Variants in STX11 observed in about 807,000 individuals in gnomAD.
The protein encoded by STX11 is syntaxin-11.
Under a neutral mutation model 19.9 loss-of-function variants are expected in STX11, and 21 were observed. That is an observed-to-expected ratio of 1.06 (90% confidence interval 0.75 to 1.52). STX11 has a LOEUF of 1.52. STX11 is among the 40% of genes most tolerant of loss of function. STX11 has a pLI of 0.00. For synonymous variants in STX11, 193 were observed against 174.4 expected, an observed-to-expected ratio of 1.11 and a Z score of -0.84; for missense variants, 438 against 405.9, an observed-to-expected ratio of 1.08 and a Z score of -0.68.
rs140269407 is a variant in STX11 at position 144,183,260 on chromosome 6, T to G, written c.-5-3363T>G. 2.0e-3 allele frequency among the ~76,000 whole-genome samples: 300 copies of G among 152,368 alleles called. No individual in the cohort carries two copies. Among genetic ancestry groups the G allele is most frequent in the African/African-American group, 6.8e-3 (284 of 41,584 alleles). ...GCACATTCTCTTTCTCCATAACTAC[T>G]TTTTATGCCTAACAGAGTATATATG... On this transcript the variant is annotated intron_variant, in intron 1 of 1. Coordinates refer to ENST00000367568, the MANE Select transcript of STX11 (RefSeq NM_003764.4). This position sits in a 1 kb window ranked among gnomAD's most constrained non-coding sequence, Gnocchi z 4.6.
At position 144,169,243 on chromosome 6, in the gene STX11, G is replaced by A. The variant is rs1801563031; in HGVS notation, c.-5-17380G>A. 6.6e-6 allele frequency among the ~76,000 whole-genome samples: 1 copy of A among 152,212 alleles called. No individual in the cohort carries two copies. Among genetic ancestry groups the A allele is most frequent in the African/African-American group, 2.4e-5 (1 of 41,448 alleles). ...TCCTGTAGAGGCTGTCTCAGCTCTAGTCAGTGTCTTTCCGGGGCAATAACA... is the reference window on the plus strand; with the variant it reads ...TCCTGTAGAGGCTGTCTCAGCTCTAATCAGTGTCTTTCCGGGGCAATAACA... On this transcript the variant is annotated intron_variant, in intron 1 of 1. Transcript: ENST00000367568. The surrounding 1 kb of genome is among the most constrained non-coding windows in gnomAD (Gnocchi z 5.2).
chr6:144,159,118 G>A lies in STX11; in HGVS notation c.-6+8415G>A, dbSNP rs1416235400. 6.6e-6 allele frequency among the ~76,000 whole-genome samples: 1 copy of A among 152,130 alleles called. No individual in the cohort carries two copies. The highest frequency in any genetic ancestry group is 1.5e-5 in the Non-Finnish European group (1 of 68,030). The stretch of plus-strand genomic sequence containing the variant: ...TTCATTTTTGTGTATGAGAGACCTA[G>A]CCTCATCAAAAATGAGTGAAAAAAA... On this transcript the variant is annotated intron_variant, in intron 1 of 1. Transcript: ENST00000367568. The surrounding 1 kb of genome is among the most constrained non-coding windows in gnomAD (Gnocchi z 4.3).
intron 1 of STX11, among the ~76,000 whole-genome samples, chr6:144,178,258 C>T (rs79433832): frequency 0.037 from 5,600 of 152,228 alleles, 225 homozygotes; most frequent in East Asian, 0.2. Context: ...CTCATTAGGC[C>T]TCAAACCTGT....
In STX11 at chr6:144,151,764, A is replaced by G. The variant is rs573863172; in HGVS notation, c.-6+1061A>G. 6.6e-6 allele frequency among the ~76,000 whole-genome samples: 1 copy of G among 152,368 alleles called. No individual in the cohort carries two copies. Among genetic ancestry groups the G allele is most frequent in the South Asian group, 2.1e-4 (1 of 4,834 alleles). On this transcript the variant is annotated intron_variant, in intron 1 of 1. Coordinates refer to ENST00000367568, the MANE Select transcript of STX11 (RefSeq NM_003764.4). The surrounding 1 kb of genome is among the most constrained non-coding windows in gnomAD (Gnocchi z 4.6). ...GATTGTAAGTAACTCTCTAAAATCAAAATATTTCAGACAGTTTGTGTTTAC... is the reference window on the plus strand; with the variant it reads ...GATTGTAAGTAACTCTCTAAAATCAGAATATTTCAGACAGTTTGTGTTTAC...
In STX11 at chr6:144,160,875, G is replaced by A. The variant is rs983778082; in HGVS notation, c.-6+10172G>A. Among the ~76,000 whole-genome samples the A allele has an allele frequency of 1.8e-5, 2 of 110,472 alleles. No homozygotes were observed. Among genetic ancestry groups the A allele is most frequent in the African/African-American group, 1.3e-4 (2 of 15,112 alleles). 72.5% of individuals were successfully genotyped at this position (110,472 alleles called of 152,430 possible). ...TGGATGTGTGAGGTCCTGTGATGACGACCATTTGCCATGTATTTTCATATC... is the reference window on the plus strand; with the variant it reads ...TGGATGTGTGAGGTCCTGTGATGACAACCATTTGCCATGTATTTTCATATC... On this transcript the variant is annotated intron_variant, in intron 1 of 1. Coordinates refer to ENST00000367568, the MANE Select transcript of STX11 (RefSeq NM_003764.4). This position sits in a 1 kb window ranked among gnomAD's most constrained non-coding sequence, Gnocchi z 4.3.
the STX11 span, among the ~76,000 whole-genome samples, chr6:144,141,214 G>C: frequency 8.5e-5 from 13 of 152,188 alleles, no homozygotes; most frequent in African/African-American, 3.1e-4. Flanking sequence ...CTCTAGATCA[G>C]ATTTTTTAAA....
chr6:144,183,882 C>T lies in STX11; in HGVS notation c.-5-2741C>T, dbSNP rs1444538330. 1.3e-5 allele frequency among the ~76,000 whole-genome samples: 2 copies of T among 152,122 alleles called. No homozygotes were observed. Among genetic ancestry groups the T allele is most frequent in the Non-Finnish European group, 2.9e-5 (2 of 68,032 alleles). On this transcript the variant is annotated intron_variant, in intron 1 of 1. Coordinates refer to ENST00000367568, the MANE Select transcript of STX11 (RefSeq NM_003764.4). The surrounding 1 kb of genome is among the most constrained non-coding windows in gnomAD (Gnocchi z 4.6). ...GCTCTTTTCCCTAATGCTCTCCCCT[C>T]CCCCGCACTTCCCCGACAGGCCCCA...
At chr6:144,186,044 C>T (rs1471100994) in intron 1 of STX11, among the ~76,000 whole-genome samples, 1 of 143,762 alleles carries the variant, frequency 7.0e-6, no homozygotes, top group East Asian at 2.1e-4. Context: ...AGTCTTTCTT[C>T]TTCTTTTTTC....
chr6:144,168,230 A>ATC (rs1248645399), intron 1 of STX11, among the ~76,000 whole-genome samples: 1 of 152,218 alleles, frequency 6.6e-6, no homozygotes, highest in Non-Finnish European at 1.5e-5. Flanking sequence ...GGCCTTTTCA[A>ATC]ATATTTCCTC....
Position 144,169,039 on chromosome 6 carries a change from T to C in STX11, c.-5-17584T>C, listed in dbSNP as rs1678574068. The stretch of plus-strand genomic sequence containing the variant: ...TGGTACCAAGTGCTTATGAAACTAA[T>C]CAGAAAAGACACCCCTGGTGATCTA... On this transcript the variant is annotated intron_variant, in intron 1 of 1. Coordinates refer to ENST00000367568, the MANE Select transcript of STX11 (RefSeq NM_003764.4). This position sits in a 1 kb window ranked among gnomAD's most constrained non-coding sequence, Gnocchi z 5.2. 6.6e-6 allele frequency among the ~76,000 whole-genome samples: 1 copy of C among 152,192 alleles called. No homozygotes were observed. The highest frequency in any genetic ancestry group is 2.1e-4 in the South Asian group (1 of 4,832).
At chr6:144,140,795 G>T in the STX11 span, 1 of 985,260 alleles carries the variant, frequency 1.0e-6, no homozygotes, top group African/African-American at 1.7e-5. Flanking sequence ...AAGAAAGCCA[G>T]ATCTCAGCCC....
upstream of STX11, among the ~76,000 whole-genome samples, chr6:144,147,245 T>C (rs760526321): frequency 1.5e-4 from 23 of 152,126 alleles, no homozygotes; most frequent in Non-Finnish European, 2.9e-4. The surrounding 1 kb of genome is among the most constrained non-coding windows in gnomAD (Gnocchi z 4.2). Flanking sequence ...GATGTTTTTA[T>C]TCTTTCACTC....
chr6:144,148,998 G>A (rs1417740630), upstream of STX11, among the ~76,000 whole-genome samples: 1 of 152,204 alleles, frequency 6.6e-6, no homozygotes. Flanking sequence ...CTCATTATGA[G>A]ACTGAGGTTA....
upstream of STX11, among the ~76,000 whole-genome samples, chr6:144,146,838 A>G (rs1800882731): frequency 6.6e-6 from 1 of 152,100 alleles, no homozygotes; most frequent in African/African-American, 2.4e-5. The surrounding 1 kb of genome is among the most constrained non-coding windows in gnomAD (Gnocchi z 4.4). Context: ...TTTACAGGCT[A>G]CCACACAGCT....
intron 1 of STX11, among the ~76,000 whole-genome samples, chr6:144,158,173 T>C (rs1376285195): frequency 6.6e-6 from 1 of 152,194 alleles, no homozygotes; most frequent in Non-Finnish European, 1.5e-5. Context: ...TGACCAACTC[T>C]ATTGAGATTT....
chr6:144,156,662 T>C (rs1016479148), intron 1 of STX11, among the ~76,000 whole-genome samples: 4 of 152,180 alleles, frequency 2.6e-5, no homozygotes, highest in African/African-American at 9.7e-5. Flanking sequence ...TCTAATTTTC[T>C]ATTATGTTCT....
chr6:144,177,357 T>A lies in STX11; in HGVS notation c.-5-9266T>A, dbSNP rs1801801682. On this transcript the variant is annotated intron_variant, in intron 1 of 1. Coordinates refer to ENST00000367568, the MANE Select transcript of STX11 (RefSeq NM_003764.4). This position sits in a 1 kb window ranked among gnomAD's most constrained non-coding sequence, Gnocchi z 4.4. Reference sequence around the variant, plus strand: ...AAGAGTTACAACAACTGTTTTAGTTTGTAAATACTAATAGAGATACAAGTG... The same window carrying A: ...AAGAGTTACAACAACTGTTTTAGTTAGTAAATACTAATAGAGATACAAGTG... Among the ~76,000 whole-genome samples, 1 of 152,240 alleles carries A rather than the reference T, an allele frequency of 6.6e-6. No homozygotes were observed.
rs1238454368 is a variant in STX11 at position 144,187,815 on chromosome 6, AG to A, written c.*326del. The A allele has an allele frequency of 2.2e-6, 1 of 460,814 alleles. No individual in the cohort carries two copies. Among genetic ancestry groups the A allele is most frequent in the Non-Finnish European group, 4.1e-6 (1 of 246,780 alleles). 28.5% of individuals were successfully genotyped at this position (460,814 alleles called of 1,614,324 possible). On this transcript the variant is annotated 3_prime_UTR_variant, in exon 2 of 2. Transcript: ENST00000367568. The surrounding 1 kb of genome is among the most constrained non-coding windows in gnomAD (Gnocchi z 5.6). ...TATCTGACTGTAGGGTGAATGTCTG[AG>A]GCCTGCCTCCTAATAAAGACTCAAG...
chr6:144,187,815 A>T lies in STX11; in HGVS notation c.*324A>T. 2.2e-6 allele frequency: 1 copy of T among 460,932 alleles called. No individual in the cohort carries two copies. Among genetic ancestry groups the T allele is most frequent in the South Asian group, 2.9e-5 (1 of 34,718 alleles). 28.6% of individuals were successfully genotyped at this position (460,932 alleles called of 1,614,324 possible). On this transcript the variant is annotated 3_prime_UTR_variant, in exon 2 of 2. Transcript: ENST00000367568. The surrounding 1 kb of genome is among the most constrained non-coding windows in gnomAD (Gnocchi z 5.6). ...TATCTGACTGTAGGGTGAATGTCTG[A>T]GGCCTGCCTCCTAATAAAGACTCAA...
Sources: gnomAD v4.1 joint callset for allele counts (sites outside exome capture counted in the v4.1 genomes callset) on GRCh38, gnomAD v4.1.1 for gene constraint, Gnocchi (gnomAD v3.1) non-coding constraint, MANE v1.5 for transcripts, NCBI Gene and HGNC (gene_info 2026-07-23, HGNC 2026-07-21) for gene names.